Variants in CATSPERE observed in about 807,000 individuals in gnomAD.
CATSPERE encodes the protein cation channel sperm-associated auxiliary subunit epsilon.
A neutral mutation model predicts 114.1 loss-of-function variants in CATSPERE; 93 were observed. The ratio of observed to expected loss-of-function variants is 0.81; its 90% CI spans 0.69 to 0.97. The LOEUF (loss-of-function observed/expected upper bound fraction) is 0.97, where lower values mean the gene tolerates loss of function less well. Ranked by LOEUF, CATSPERE falls within the 50% of genes least tolerant of loss-of-function variation. CATSPERE has a pLI of 0.00. For synonymous variants in CATSPERE, 341 were observed against 384.1 expected (o/e 0.89, Z 1.31); for missense variants, 1,058 against 1,131.6 (o/e 0.93, Z 0.93).
Position 244,533,690 on chromosome 1 carries a change from G to A in CATSPERE, c.536+14992G>A, listed in dbSNP as rs532420197. 7.9e-5 allele frequency among the ~76,000 whole-genome samples: 12 copies of A among 152,082 alleles called. No homozygotes were observed. The South Asian group carries it at 2.5e-3, about 32-fold the overall frequency. Reference sequence around the variant, plus strand: ...TACCCCTGCTTTTAAACTTCTTGTTGTTCCTATTTACATCTTATTGTACTG... The same window carrying A: ...TACCCCTGCTTTTAAACTTCTTGTTATTCCTATTTACATCTTATTGTACTG... On this transcript the variant is annotated intron_variant, in intron 8 of 21. Transcript: ENST00000366534.
chr1:244,514,939 A>G (rs12142075), intron 7 of CATSPERE, among the ~76,000 whole-genome samples: 4,548 of 152,182 alleles, frequency 0.03, 89 homozygotes, highest in Non-Finnish European at 0.045. Context: ...TAGACAATGC[A>G]TTAGGATTAT....
At chr1:244,522,207 A>C (rs976786720) in intron 8 of CATSPERE, among the ~76,000 whole-genome samples, 3 of 152,172 alleles carry the variant, frequency 2.0e-5, no homozygotes, top group Admixed American at 2.0e-4. Flanking sequence ...AACTACATGG[A>C]AACTGAACAA....
intron 20 of CATSPERE, among the ~76,000 whole-genome samples, chr1:244,621,115 T>TATAA (rs1672150210): frequency 1.6e-5 from 1 of 61,420 alleles, no homozygotes; most frequent in African/African-American, 7.5e-5. Context: ...AATATATATA[T>TATAA]AATATATATA....
intron 6 of CATSPERE, 122 bp downstream of exon 6, chr1:244,490,593 G>C (rs34499553): frequency 7.9e-5 from 50 of 631,804 alleles, no homozygotes; most frequent in Non-Finnish European, 1.3e-4. Context: ...TATTTGCTTA[G>C]AGTATACCTT....
chr1:244,480,979 C>G (rs1183233126), intron 5 of CATSPERE, among the ~76,000 whole-genome samples: 1 of 152,168 alleles, frequency 6.6e-6, no homozygotes, highest in East Asian at 1.9e-4. Flanking sequence ...TTGGGGATAA[C>G]AAGTCCTGGT....
chr1:244,566,132 G>C (rs1663437518), intron 10 of CATSPERE, among the ~76,000 whole-genome samples: 1 of 152,200 alleles, frequency 6.6e-6, no homozygotes, highest in Non-Finnish European at 1.5e-5. Flanking sequence ...GTGTAGTTTT[G>C]AGTAAGTTTC....
intron 8 of CATSPERE, among the ~76,000 whole-genome samples, chr1:244,546,767 T>G (rs1228049464): frequency 6.6e-6 from 1 of 152,026 alleles, no homozygotes; most frequent in East Asian, 1.9e-4. Context: ...TGAAGACAGA[T>G]TACTTGAAAA....
At chr1:244,477,744 C>G in intron 3 of CATSPERE, 130 bp downstream of exon 3, 1 of 934,478 alleles carries the variant, frequency 1.1e-6, no homozygotes, top group Admixed American at 2.4e-5. Context: ...AAAAGCAAGA[C>G]AAAATCAGGT....
intron 18 of CATSPERE, among the ~76,000 whole-genome samples, chr1:244,608,633 A>G (rs1670312375): frequency 6.6e-6 from 1 of 151,850 alleles, no homozygotes; most frequent in Non-Finnish European, 1.5e-5. Context: ...ACACTACTCC[A>G]GTCTCCTACT....
intron 9 of CATSPERE, among the ~76,000 whole-genome samples, chr1:244,560,019 G>T (rs1439703700): frequency 6.6e-6 from 1 of 151,832 alleles, no homozygotes; most frequent in Non-Finnish European, 1.5e-5. Context: ...TAGAGACAGG[G>T]TCTTGCTCTG....
At chr1:244,526,326 C>T (rs2148398216) in intron 8 of CATSPERE, among the ~76,000 whole-genome samples, 1 of 151,988 alleles carries the variant, frequency 6.6e-6, no homozygotes, top group South Asian at 2.1e-4. Flanking sequence ...GGAAGAATGC[C>T]CAAGCCCAGG....
intron 8 of CATSPERE, among the ~76,000 whole-genome samples, chr1:244,524,435 C>G (rs1678164929): frequency 6.6e-6 from 1 of 150,978 alleles, no homozygotes; most frequent in Admixed American, 6.6e-5. Context: ...TGGGCAAGGA[C>G]TTCATGTCTA....
At chr1:244,638,420 C>G (rs1393288) in intron 21 of CATSPERE, among the ~76,000 whole-genome samples, 97,459 of 152,042 alleles carry the variant, frequency 0.64, 31,904 homozygotes, top group South Asian at 0.76. Flanking sequence ...TAAAGAAAGC[C>G]TCACCCTCCT....
intron 13 of CATSPERE, among the ~76,000 whole-genome samples, chr1:244,587,234 C>A (rs1203978617): frequency 6.6e-6 from 1 of 152,184 alleles, no homozygotes; most frequent in Non-Finnish European, 1.5e-5. Flanking sequence ...GTGTAATATT[C>A]ATTCTACCCT....
chr1:244,640,121 G>C lies in CATSPERE; in HGVS notation c.*40G>C. 7.0e-7 allele frequency: 1 copy of C among 1,438,450 alleles called. No homozygotes were observed. Among genetic ancestry groups the C allele is most frequent in the Non-Finnish European group, 9.5e-7 (1 of 1,049,972 alleles). The allele number at this position is 1,438,450 out of a possible 1,614,324, so 89.1% of individuals were successfully genotyped here. On this transcript the variant is annotated 3_prime_UTR_variant, in exon 22 of 22. Transcript: ENST00000366534. ...TGTTTATTACAGATATATGCATATAGAGAAACAGTGTATTACATAGTGATA... is the reference window on the plus strand; with the variant it reads ...TGTTTATTACAGATATATGCATATACAGAAACAGTGTATTACATAGTGATA...
At chr1:244,566,941 C>T (rs187993109) in intron 10 of CATSPERE, among the ~76,000 whole-genome samples, 10 of 152,046 alleles carry the variant, frequency 6.6e-5, no homozygotes, top group African/African-American at 1.9e-4. Flanking sequence ...TTCATAGTGT[C>T]GATGGCCTTT....
At chr1:244,606,128 A>T (rs1669965815) in intron 18 of CATSPERE, among the ~76,000 whole-genome samples, 1 of 152,146 alleles carries the variant, frequency 6.6e-6, no homozygotes, top group African/African-American at 2.4e-5. Flanking sequence ...TTGTGCACTA[A>T]GTCAAACGGA....
intron 20 of CATSPERE, among the ~76,000 whole-genome samples, chr1:244,626,166 T>C: frequency 6.6e-6 from 1 of 152,070 alleles, no homozygotes; most frequent in East Asian, 1.9e-4. Context: ...TGAAGCCAGG[T>C]ACTGATTTCT....
At chr1:244,577,298 T>A (rs1047289941) in intron 11 of CATSPERE, among the ~76,000 whole-genome samples, 4 of 151,654 alleles carry the variant, frequency 2.6e-5, no homozygotes, top group Non-Finnish European at 5.9e-5. Context: ...ATATAATTAC[T>A]TATTTTAAAT....
Sources: gnomAD v4.1 joint callset for allele counts (sites outside exome capture counted in the v4.1 genomes callset) on GRCh38, gnomAD v4.1.1 for gene constraint, MANE v1.5 for transcripts, NCBI Gene and HGNC (gene_info 2026-07-23, HGNC 2026-07-21) for gene names.